The following CAP2 variants were observed in gnomAD, a reference collection of about 807,000 sequenced individuals.
The protein encoded by CAP2 is adenylyl cyclase-associated protein 2.
CAP2 carries 24 observed loss-of-function variants against 57.7 expected under a neutral mutation model. That is an observed-to-expected ratio of 0.42 (90% CI 0.30 to 0.58). The LOEUF (loss-of-function observed/expected upper bound fraction) is 0.58. Ranked by LOEUF, CAP2 falls within the 20% of genes least tolerant of loss-of-function variation. The probability of loss-of-function intolerance (pLI) is 0.22; values close to 1 mark genes in which losing one functional copy is unlikely to be tolerated. For missense variants in CAP2, 501 were observed against 590.3 expected (o/e 0.85, Z 1.57); for synonymous variants, 194 against 207.2 (o/e 0.94, Z 0.55).
In CAP2 at chr6:17,505,858, C is replaced by T. The variant is rs138177240; in HGVS notation, c.301-1311C>T. 7.2e-5 allele frequency among the ~76,000 whole-genome samples: 11 copies of T among 152,216 alleles called. No individual in the cohort carries two copies. In the East Asian group the frequency reaches 2.1e-3, roughly 29 times the overall value. The stretch of plus-strand genomic sequence containing the variant: ...TCTAGCTCCGAGATACTTTATAACT[C>T]AGCTCATGTCATTTTGTTTTTCATT... On this transcript the variant is annotated intron_variant, in intron 4 of 12. Coordinates refer to ENST00000229922, the MANE Select transcript of CAP2 (RefSeq NM_006366.3).
intron 3 of CAP2, among the ~76,000 whole-genome samples, chr6:17,431,051 A>T (rs1759715154): frequency 6.6e-6 from 1 of 152,322 alleles, no homozygotes; most frequent in South Asian, 2.1e-4. Context: ...AAATGGACTT[A>T]AAAAACTGCT....
At chr6:17,413,656 AC>A in intron 1 of CAP2, among the ~76,000 whole-genome samples, 1 of 152,316 alleles carries the variant, frequency 6.6e-6, no homozygotes, top group South Asian at 2.1e-4. Flanking sequence ...TCCTATACAT[AC>A]CATTACCCAA....
chr6:17,493,830 G>A (rs530738883), intron 4 of CAP2, among the ~76,000 whole-genome samples: 1 of 150,936 alleles, frequency 6.6e-6, no homozygotes, highest in African/African-American at 2.4e-5. Flanking sequence ...TTACTCATCA[G>A]TTGTGGCCCC....
chr6:17,441,152 A>T (rs779523997), intron 3 of CAP2, among the ~76,000 whole-genome samples: 2 of 151,466 alleles, frequency 1.3e-5, no homozygotes, highest in African/African-American at 2.4e-5. Context: ...ACATTAATAT[A>T]TTAGTATTTC....
At chr6:17,474,185 C>CTTTTTTTTTTTTTT (rs544909381) in intron 4 of CAP2, among the ~76,000 whole-genome samples, 68 of 93,214 alleles carry the variant, frequency 7.3e-4, no homozygotes, top group East Asian at 1.1e-3. Context: ...AAAAAACAGT[C>CTTTTTTTTTTTTTT]TTTTTTTTTT....
chr6:17,443,574 GAC>G (rs3075206), intron 3 of CAP2, among the ~76,000 whole-genome samples: 8 of 150,076 alleles, frequency 5.3e-5, no homozygotes, highest in Middle Eastern at 3.4e-3. Flanking sequence ...AAAACACACA[GAC>G]ACACACACAC....
intron 3 of CAP2, among the ~76,000 whole-genome samples, chr6:17,440,873 A>G (rs1760054683): frequency 6.6e-6 from 1 of 150,398 alleles, no homozygotes. Flanking sequence ...CCCTGTGTCC[A>G]AGTGTTCTCT....
intron 7 of CAP2, among the ~76,000 whole-genome samples, chr6:17,526,063 C>A (rs929075595): frequency 6.6e-6 from 1 of 151,336 alleles, no homozygotes; most frequent in African/African-American, 2.4e-5. Flanking sequence ...ATTTCCAAAG[C>A]GTTAGTCCAT....
At chr6:17,406,394 A>ATTTTTTTTTTTTTTTTTTT (rs1335180213) in intron 1 of CAP2, among the ~76,000 whole-genome samples, 2 of 91,908 alleles carry the variant, frequency 2.2e-5, no homozygotes, top group South Asian at 3.6e-4. Flanking sequence ...GTAAGCCCAG[A>ATTTTTTTTTTTTTTTTTTT]TTTCTTTTTT....
At chr6:17,439,753 T>C (rs1290388301) in intron 3 of CAP2, among the ~76,000 whole-genome samples, 1 of 151,464 alleles carries the variant, frequency 6.6e-6, no homozygotes, top group Non-Finnish European at 1.5e-5. Flanking sequence ...ATTGCTGATC[T>C]CACAGGTGGT....
chr6:17,526,850 G>A (rs1183279799), intron 7 of CAP2, among the ~76,000 whole-genome samples: 3 of 151,304 alleles, frequency 2.0e-5, no homozygotes, highest in Admixed American at 1.3e-4. Flanking sequence ...CCAGCTACCC[G>A]GGAGGCTGAG....
intron 4 of CAP2, among the ~76,000 whole-genome samples, chr6:17,505,101 G>T (rs1450162569): frequency 6.6e-6 from 1 of 152,140 alleles, no homozygotes; most frequent in African/African-American, 2.4e-5. Context: ...CCATGTGCCA[G>T]GGCTTTAAAA....
At chr6:17,460,712 A>G (rs561998972) in intron 3 of CAP2, among the ~76,000 whole-genome samples, 2 of 152,352 alleles carry the variant, frequency 1.3e-5, no homozygotes, top group East Asian at 3.9e-4. Flanking sequence ...TTGAAGTTTA[A>G]CAGTTCTTTT....
intron 3 of CAP2, among the ~76,000 whole-genome samples, chr6:17,449,547 CA>C (rs945522367): frequency 2.8e-5 from 4 of 145,404 alleles, no homozygotes; most frequent in African/African-American, 8.5e-5. Flanking sequence ...GCTGGGATTA[CA>C]GGTGCCCACC....
intron 3 of CAP2, among the ~76,000 whole-genome samples, chr6:17,457,198 A>G (rs1760594214): frequency 6.6e-6 from 1 of 152,240 alleles, no homozygotes; most frequent in South Asian, 2.1e-4. Flanking sequence ...ACATGCTCAC[A>G]GGCAGATAGA....
intron 7 of CAP2, among the ~76,000 whole-genome samples, chr6:17,532,022 AG>A (rs1762654801): frequency 6.6e-6 from 1 of 151,752 alleles, no homozygotes; most frequent in African/African-American, 2.4e-5. Context: ...ATGTTTGTTT[AG>A]TAGACTGACA....
chr6:17,401,046 G>A (rs1244048873), intron 1 of CAP2, among the ~76,000 whole-genome samples: 1 of 152,170 alleles, frequency 6.6e-6, no homozygotes, highest in African/African-American at 2.4e-5. Context: ...GTGATATACT[G>A]GAGTTGGAGG....
chr6:17,550,290 A>T (rs1368445600), intron 11 of CAP2, among the ~76,000 whole-genome samples: 3 of 151,876 alleles, frequency 2.0e-5, no homozygotes, highest in Non-Finnish European at 4.4e-5. Flanking sequence ...ACATCTAGAA[A>T]TTACCAAAAC....
At chr6:17,503,351 G>A (rs1761880565) in intron 4 of CAP2, among the ~76,000 whole-genome samples, 1 of 152,116 alleles carries the variant, frequency 6.6e-6, no homozygotes, top group Non-Finnish European at 1.5e-5. Context: ...GCTCACACCT[G>A]TAATACCAAT....
Sources: gnomAD v4.1 joint callset for allele counts (sites outside exome capture counted in the v4.1 genomes callset) on GRCh38, gnomAD v4.1.1 for gene constraint, MANE v1.5 for transcripts, NCBI Gene and HGNC (gene_info 2026-07-23, HGNC 2026-07-21) for gene names.